The following PLXND1 variants were observed in gnomAD, a reference collection of about 807,000 sequenced individuals.
The protein encoded by PLXND1 is plexin-D1.
In PLXND1, 54 loss-of-function variants were observed where a neutral mutation model predicts 197.7. The ratio of observed to expected loss-of-function variants is 0.27; its 90% CI spans 0.22 to 0.34. The LOEUF is 0.34. Ranked by LOEUF, PLXND1 falls within the 10% of genes least tolerant of loss-of-function variation. The probability of loss-of-function intolerance (pLI) is 1.00; values close to 1 mark genes in which losing one functional copy is unlikely to be tolerated. For synonymous variants in PLXND1, 1,180 were observed against 1,161.2 expected (o/e 1.02, Z -0.33); for missense variants, 2,127 against 2,699.2 (o/e 0.79, Z 4.70).
At chr3:129,560,511 GCTT>G in intron 30 of PLXND1, 77 bp from the exon 31 acceptor site, 1 of 1,078,476 alleles carries the variant, frequency 9.3e-7, no homozygotes, top group East Asian at 2.4e-5. Flanking sequence ...GCTCTGCCAT[GCTT>G]CTTAGCACAC....
intron 2 of PLXND1, 41 bp downstream of exon 2, chr3:129,589,310 T>TGGGGCCCCCCCC: frequency 2.0e-6 from 1 of 501,294 alleles, no homozygotes; most frequent in Non-Finnish European, 3.8e-6. Flanking sequence ...CAGGGGAGCC[T>TGGGGCCCCCCCC]CCCACCCCCA....
chr3:129,559,645 T>C lies in PLXND1; in HGVS notation c.5272A>G (p.Thr1758Ala). 6.2e-7 allele frequency: 1 copy of C among 1,608,028 alleles called. No homozygotes were observed. Among genetic ancestry groups the C allele is most frequent in the Non-Finnish European group, 8.5e-7 (1 of 1,177,102 alleles). ...AEKRGISDPD[T>A]LHIWKTNSLP... Reference sequence around the variant, plus strand: ...CTGTTGGTCTTCCAGATGTGTAGGGTGTCGGGGTCGGAGATTCCCCTCTTC... The same window carrying C: ...CTGTTGGTCTTCCAGATGTGTAGGGCGTCGGGGTCGGAGATTCCCCTCTTC... The change falls in exon 32 of 36, where the codon ACC becomes GCC. Residue 1758 changes from threonine (T) to alanine (A), a missense_variant. Thr to Ala is a moderately conservative substitution (Grantham distance 58). Coordinates refer to ENST00000324093, the MANE Select transcript of PLXND1 (RefSeq NM_015103.3).
intron 5 of PLXND1, 128 bp downstream of exon 5, chr3:129,585,824 T>G: frequency 2.4e-6 from 3 of 1,248,864 alleles, no homozygotes; most frequent in Non-Finnish European, 3.5e-6. Flanking sequence ...ATTGTCACTG[T>G]TCTCATTATT....
intron 11 of PLXND1, among the ~76,000 whole-genome samples, chr3:129,575,165 C>G (rs1036047673): frequency 3.9e-5 from 6 of 152,210 alleles, no homozygotes; most frequent in African/African-American, 1.2e-4. Context: ...CCCCAGATGC[C>G]ACGCTCAAGG....
chr3:129,572,247 A>G (rs923358794), intron 15 of PLXND1, among the ~76,000 whole-genome samples: 4 of 152,156 alleles, frequency 2.6e-5, no homozygotes, highest in African/African-American at 4.8e-5. Context: ...CTGGTACACA[A>G]TAAGTGCATA....
chr3:129,566,638 A>G lies in PLXND1; in HGVS notation c.4087-7T>C. The G allele has an allele frequency of 6.4e-7, 1 of 1,557,152 alleles. No individual in the cohort carries two copies. The highest frequency in any genetic ancestry group is 2.3e-5 in the East Asian group (1 of 44,100). ...CTTCATAAAGGGAGGAACACTGCAG[A>G]GGCAGACCCCCAGCATCTCAGCGGG... On this transcript the variant is annotated splice_region_variant and splice_polypyrimidine_tract_variant and intron_variant, in intron 22 of 35. Transcript: ENST00000324093.
At chr3:129,595,917 G>GCATGCACACA (rs1553793002) in intron 1 of PLXND1, among the ~76,000 whole-genome samples, 3 of 23,112 alleles carry the variant, frequency 1.3e-4, no homozygotes, top group Non-Finnish European at 2.9e-4. Context: ...GGGGGTGCAC[G>GCATGCACACA]CACGCACACA....
In PLXND1 at chr3:129,557,074, C is replaced by A; in HGVS notation, c.5586+9G>T. On this transcript the variant is annotated intron_variant, in intron 34 of 35. Transcript: ENST00000324093. The surrounding 1 kb of genome is among the most constrained non-coding windows in gnomAD (Gnocchi z 4.8). ...CAGGCCCCCATCCCCCGCCGCCGAG[C>A]CACCGCACCCTCGACTCCTCGGCCA... 3 of 1,613,548 alleles carry A rather than the reference C, an allele frequency of 1.9e-6. No individual in the cohort carries two copies. Among genetic ancestry groups the A allele is most frequent in the Non-Finnish European group, 2.5e-6 (3 of 1,179,960 alleles).
intron 15 of PLXND1, among the ~76,000 whole-genome samples, chr3:129,572,169 T>C (rs2085243978): frequency 6.6e-6 from 1 of 152,172 alleles, no homozygotes; most frequent in Non-Finnish European, 1.5e-5. Flanking sequence ...CCCGTGGGTA[T>C]GTCTGCCCTT....
chr3:129,603,421 C>T (rs2085739217), intron 1 of PLXND1, among the ~76,000 whole-genome samples: 1 of 152,206 alleles, frequency 6.6e-6, no homozygotes, highest in African/African-American at 2.4e-5. Flanking sequence ...TCAGCTTACA[C>T]CAAAGGGCCG....
intron 1 of PLXND1, among the ~76,000 whole-genome samples, chr3:129,597,460 C>T (rs1002184012): frequency 3.9e-5 from 6 of 152,114 alleles, no homozygotes; most frequent in Non-Finnish European, 8.8e-5. Context: ...GCCTGGCCTC[C>T]ACTCCAAGGC....
Position 129,571,524 on chromosome 3 carries a change from A to T in PLXND1, c.3321T>A (p.Ile1107=). 6.2e-7 allele frequency: 1 copy of T among 1,612,926 alleles called. No individual in the cohort carries two copies. The highest frequency in any genetic ancestry group is 2.2e-5 in the East Asian group (1 of 44,858). The change falls in exon 17 of 36, where the codon ATT becomes ATA. Residue 1107 remains isoleucine (I), a synonymous_variant. Coordinates refer to ENST00000324093, the MANE Select transcript of PLXND1 (RefSeq NM_015103.3). ...AATGCCTCACCGTGGGCTCCCGGCC[A>T]ATGTGGTGGACGGCCATGGACACAT... ...VQNVSMAVHH[I]GREPTLCKVL...
At position 129,555,430 on chromosome 3, in the gene PLXND1, G is replaced by A. The variant is rs1445078610; in HGVS notation, c.*882C>T. On this transcript the variant is annotated 3_prime_UTR_variant, in exon 36 of 36. Coordinates refer to ENST00000324093, the MANE Select transcript of PLXND1 (RefSeq NM_015103.3). ...CTCTGCCAGGTCTGCCCGCTCTCTG[G>A]AACAGTCATTTCCAGTGTTGCATGG... 7.5e-6 allele frequency: 5 copies of A among 664,504 alleles called. No individual in the cohort carries two copies. Among genetic ancestry groups the A allele is most frequent in the African/African-American group, 5.5e-5 (3 of 54,204 alleles). 41.2% of individuals were successfully genotyped at this position (664,504 alleles called of 1,614,324 possible).
chr3:129,559,433 G>T, intron 32 of PLXND1, 187 bp downstream of exon 32: 2 of 540,548 alleles, frequency 3.7e-6, no homozygotes, highest in Non-Finnish European at 6.5e-6. Flanking sequence ...AACATGGGTC[G>T]CATTTTACAG....
chr3:129,588,471 TGTG>T (rs2085491321), intron 2 of PLXND1, among the ~76,000 whole-genome samples: 1 of 151,742 alleles, frequency 6.6e-6, no homozygotes, highest in African/African-American at 2.4e-5. Flanking sequence ...AGACTCCGAA[TGTG>T]AGTATCTGAC....
rs142568065 is a variant in PLXND1 at position 129,597,923 on chromosome 3, C to T, written c.1311+7406G>A. Among the ~76,000 whole-genome samples the T allele has an allele frequency of 3.0e-3, 464 of 152,310 alleles. 3 individuals are homozygous for T. Among genetic ancestry groups the T allele is most frequent in the African/African-American group, 0.01 (431 of 41,558 alleles). On this transcript the variant is annotated intron_variant, in intron 1 of 35. Transcript: ENST00000324093. ...TGGCTGTCAGAGCTGGAGAGGCCCT[C>T]GGGAGTTACCTGGTCCAGCCACAGT...
At position 129,606,284 on chromosome 3, in the gene PLXND1, C is replaced by A; in HGVS notation, c.356G>T (p.Arg119Leu). ...LPQASCEHPR[R>L]LTDNYNKILQ... ...GATCTTGTTGTAGTTGTCCGTGAGG[C>A]GCCGCGGGTGCTCGCACGAGGCCTG... The change falls in exon 1 of 36, where the codon CGC becomes CTC. Residue 119 changes from arginine (R) to leucine (L), a missense_variant. Physicochemically the swap from Arg to Leu is moderately radical, Grantham distance 102 (BLOSUM62 -2). Coordinates refer to ENST00000324093, the MANE Select transcript of PLXND1 (RefSeq NM_015103.3). The A allele has an allele frequency of 6.5e-7, 1 of 1,532,936 alleles. No individual in the cohort carries two copies. Among genetic ancestry groups the A allele is most frequent in the Non-Finnish European group, 8.7e-7 (1 of 1,145,718 alleles). 95.0% of individuals were successfully genotyped at this position (1,532,936 alleles called of 1,614,324 possible).
intron 14 of PLXND1, 43 bp from the exon 15 acceptor site, chr3:129,572,791 G>C (rs774074924): frequency 1.7e-5 from 28 of 1,611,130 alleles, no homozygotes; most frequent in Non-Finnish European, 2.3e-5. Context: ...GCCAGCCCCC[G>C]GGAGTGTGCG....
chr3:129,580,012 G>A (rs903569633), intron 8 of PLXND1, among the ~76,000 whole-genome samples: 1 of 152,152 alleles, frequency 6.6e-6, no homozygotes, highest in Non-Finnish European at 1.5e-5. Flanking sequence ...TGAGCACTTT[G>A]CACTCTTTTA....
Sources: gnomAD v4.1 joint callset for allele counts (sites outside exome capture counted in the v4.1 genomes callset) on GRCh38, gnomAD v4.1.1 for gene constraint, Gnocchi (gnomAD v3.1) non-coding constraint, MANE v1.5 for transcripts, NCBI Gene and HGNC (gene_info 2026-07-23, HGNC 2026-07-21) for gene names.